Variants in TMPRSS11E observed in about 807,000 individuals in gnomAD.
TMPRSS11E encodes the protein transmembrane serine protease 11E.
In TMPRSS11E, 38 loss-of-function variants were observed where a neutral mutation model predicts 48.1. That is an observed-to-expected ratio of 0.79 (90% CI 0.61 to 1.04). TMPRSS11E has a LOEUF of 1.04. Ranked by LOEUF, TMPRSS11E falls within the 50% of genes least tolerant of loss-of-function variation. The pLI, the probability that TMPRSS11E is intolerant of heterozygous loss-of-function variation, is 0.00. For missense variants in TMPRSS11E, 530 were observed against 510.8 expected (o/e 1.04, Z -0.36); for synonymous variants, 158 against 171.9 (o/e 0.92, Z 0.63).
chr4:68,476,505 C>T (rs1729224152), intron 7 of TMPRSS11E, 67 bp downstream of exon 7: 7 of 1,473,764 alleles, frequency 4.7e-6, no homozygotes, highest in African/African-American at 1.4e-5. Flanking sequence ...AAGAAAATAC[C>T]TCATGAATTT....
At chr4:68,489,931 C>T (rs1210101446) in intron 9 of TMPRSS11E, among the ~76,000 whole-genome samples, 17 of 152,224 alleles carry the variant, frequency 1.1e-4, no homozygotes, top group Admixed American at 1.0e-3. Context: ...TAGCCATTCT[C>T]ATGCCAAACC....
chr4:68,476,572 A>G (rs1034240543), intron 7 of TMPRSS11E, 134 bp downstream of exon 7: 3 of 872,756 alleles, frequency 3.4e-6, no homozygotes, highest in African/African-American at 3.5e-5. Flanking sequence ...AAAAGACTGG[A>G]TCATTTGTAA....
chr4:68,463,105 G>A (rs1728837321), intron 2 of TMPRSS11E, among the ~76,000 whole-genome samples: 1 of 152,098 alleles, frequency 6.6e-6, no homozygotes, highest in Non-Finnish European at 1.5e-5. Context: ...TTCCAGTAAC[G>A]AGAAAGAGTA....
chr4:68,488,037 C>T (rs1729611444), intron 9 of TMPRSS11E, among the ~76,000 whole-genome samples: 1 of 151,124 alleles, frequency 6.6e-6, no homozygotes, highest in Admixed American at 6.6e-5. Flanking sequence ...CTGCTGTTAT[C>T]CTGATATCAC....
At chr4:68,456,894 A>G (rs1348458615) in intron 1 of TMPRSS11E, among the ~76,000 whole-genome samples, 1 of 152,194 alleles carries the variant, frequency 6.6e-6, no homozygotes, top group African/African-American at 2.4e-5. Flanking sequence ...TACACCTTAA[A>G]CAAAAATTAA....
intron 1 of TMPRSS11E, among the ~76,000 whole-genome samples, chr4:68,451,156 G>T (rs917700516): frequency 6.6e-6 from 1 of 151,876 alleles, no homozygotes; most frequent in Non-Finnish European, 1.5e-5. Context: ...TGGAAGGGTA[G>T]GAGGTAAAAT....
chr4:68,492,416 T>G (rs944447858), intron 9 of TMPRSS11E, among the ~76,000 whole-genome samples: 21 of 152,214 alleles, frequency 1.4e-4, no homozygotes, highest in African/African-American at 4.6e-4. Flanking sequence ...GCCTTTTTGT[T>G]TCAGTTCTCA....
intron 5 of TMPRSS11E, among the ~76,000 whole-genome samples, chr4:68,472,593 A>G (rs969114): frequency 0.46 from 69,129 of 151,722 alleles, 16,196 homozygotes; most frequent in East Asian, 0.76. Context: ...AAACTACAGA[A>G]TAGGGGACAA....
At chr4:68,482,590 C>CAAAAAAAAAAAAAA (rs371144994) in intron 9 of TMPRSS11E, among the ~76,000 whole-genome samples, 2 of 106,056 alleles carry the variant, frequency 1.9e-5, no homozygotes, top group Non-Finnish European at 3.6e-5. Flanking sequence ...TGCATCTCCA[C>CAAAAAAAAAAAAAA]AAAAAAAAAA....
chr4:68,471,876 T>C (rs1052010356), intron 5 of TMPRSS11E, among the ~76,000 whole-genome samples: 2 of 151,914 alleles, frequency 1.3e-5, no homozygotes, highest in Non-Finnish European at 2.9e-5. Context: ...AGTTTGGCTA[T>C]AGAATCCAAT....
Position 68,484,583 on chromosome 4 carries a change from C to T in TMPRSS11E, c.1110+5592C>T, listed in dbSNP as rs141212943. ...TCTGCCTCCTAAAGTGCTGGGATTA[C>T]GGGCATCAGCCACTGTACCTGGCCT... On this transcript the variant is annotated intron_variant, in intron 9 of 9. Transcript: ENST00000305363. 1.4e-3 allele frequency among the ~76,000 whole-genome samples: 206 copies of T among 152,268 alleles called. 2 individuals are homozygous for T. The highest frequency in any genetic ancestry group is 9.6e-3 in the Admixed American group (147 of 15,294).
chr4:68,470,909 T>A (rs181063345), intron 4 of TMPRSS11E, among the ~76,000 whole-genome samples: 1 of 152,040 alleles, frequency 6.6e-6, no homozygotes, highest in East Asian at 1.9e-4. Context: ...GGGAGGTAAG[T>A]AGACTTGAGT....
intron 1 of TMPRSS11E, among the ~76,000 whole-genome samples, chr4:68,460,486 C>T (rs905585386): frequency 1.3e-5 from 2 of 152,074 alleles, no homozygotes; most frequent in Non-Finnish European, 2.9e-5. Flanking sequence ...ATGATTTTTC[C>T]GTCGCTGATC....
intron 1 of TMPRSS11E, among the ~76,000 whole-genome samples, chr4:68,453,335 T>C (rs987955190): frequency 1.3e-5 from 2 of 151,858 alleles, no homozygotes; most frequent in African/African-American, 2.4e-5. Flanking sequence ...TGAGTAACTT[T>C]CCTAGAGCCA....
intron 5 of TMPRSS11E, among the ~76,000 whole-genome samples, chr4:68,473,374 C>G (rs1421586456): frequency 6.6e-6 from 1 of 152,062 alleles, no homozygotes; most frequent in Non-Finnish European, 1.5e-5. Flanking sequence ...GCATGTCAGT[C>G]CACCTCTGCT....
At chr4:68,447,554 T>A (rs199880987) in intron 1 of TMPRSS11E, 31 bp downstream of exon 1, 1 of 1,601,736 alleles carries the variant, frequency 6.2e-7, no homozygotes, top group East Asian at 2.3e-5. Flanking sequence ...TTTCTAGAAG[T>A]CTTAAGGTAA....
At position 68,496,714 on chromosome 4, in the gene TMPRSS11E, G is replaced by A. The variant is rs568284953; in HGVS notation, c.1182G>A (p.Trp394Ter). ...DIWYLAGIVS[W>*]GDECAKPNKP... ...GGTACCTTGCTGGAATAGTGAGCTG[G>A]GGAGATGAATGTGCGAAACCCAACA... Residue 394 changes from tryptophan to a stop codon, truncating the protein, a stop_gained, in exon 10 of 10, where the codon TGG becomes TGA. Coordinates refer to ENST00000305363, the MANE Select transcript of TMPRSS11E (RefSeq NM_014058.4). LOFTEE classifies it high-confidence loss of function. 44 of 1,613,708 alleles carry A rather than the reference G, an allele frequency of 2.7e-5. No homozygotes were observed. The South Asian group carries it at 4.8e-4, about 18-fold the overall frequency.
At chr4:68,469,422 A>G (rs796115177) in intron 4 of TMPRSS11E, among the ~76,000 whole-genome samples, 3 of 152,152 alleles carry the variant, frequency 2.0e-5, no homozygotes, top group Admixed American at 6.6e-5. Context: ...TGGGTTTAGT[A>G]CATAATGTTA....
Position 68,496,971 on chromosome 4 carries a change from C to T in TMPRSS11E, c.*167C>T, listed in dbSNP as rs1308905626. The T allele has an allele frequency of 2.7e-5, 18 of 673,886 alleles. No individual in the cohort carries two copies. Among genetic ancestry groups the T allele is most frequent in the Non-Finnish European group, 4.0e-5 (16 of 399,722 alleles). 41.7% of individuals were successfully genotyped at this position (673,886 alleles called of 1,614,324 possible). On this transcript the variant is annotated 3_prime_UTR_variant, in exon 10 of 10. Transcript: ENST00000305363. ...ATTTTCTTCCCAGCTCTGTTCCGCA[C>T]ATAAGCATCCTGCTTCTGCCAGATC... is the stretch of plus-strand genomic sequence containing the variant.
Sources: allele counts gnomAD v4.1 joint callset (sites outside exome capture counted in the v4.1 genomes callset), GRCh38; gene constraint gnomAD v4.1.1; transcripts MANE v1.5; gene names NCBI Gene and HGNC (gene_info 2026-07-23, HGNC 2026-07-21).